The following DTD1 variants were observed in gnomAD, a reference collection of about 807,000 sequenced individuals.
DTD1 encodes D-aminoacyl-tRNA deacylase 1.
A neutral mutation model predicts 25.6 loss-of-function variants in DTD1; 13 were observed. The observed-to-expected ratio is 0.51, with a 90% confidence interval of 0.33 to 0.81. The LOEUF (loss-of-function observed/expected upper bound fraction) is 0.81, where lower values mean the gene tolerates loss of function less well. DTD1 is among the 30% of genes least tolerant of loss of function. The probability of loss-of-function intolerance (pLI) is 0.02; values close to 1 mark genes in which losing one functional copy is unlikely to be tolerated. For synonymous variants in DTD1, 110 were observed against 103.6 expected, an observed-to-expected ratio of 1.06 and a Z score of -0.37; for missense variants, 193 against 266.4, an observed-to-expected ratio of 0.72 and a Z score of 1.92.
intron 4 of DTD1, among the ~76,000 whole-genome samples, chr20:18,682,321 C>T (rs971880195): frequency 6.6e-5 from 10 of 152,162 alleles, no homozygotes; most frequent in Non-Finnish European, 1.2e-4. Context: ...GAGATTTCTT[C>T]GCCCATTGTT....
intron 4 of DTD1, among the ~76,000 whole-genome samples, chr20:18,651,707 G>A (rs985189718): frequency 5.3e-5 from 8 of 152,186 alleles, no homozygotes; most frequent in South Asian, 2.1e-4. Context: ...AGTGGTCTGA[G>A]CATCAAGACT....
At chr20:18,685,424 T>C (rs2061012703) in intron 4 of DTD1, among the ~76,000 whole-genome samples, 2 of 152,200 alleles carry the variant, frequency 1.3e-5, no homozygotes, top group Non-Finnish European at 2.9e-5. Flanking sequence ...TGAGAGTGCT[T>C]TCTGCCTTGG....
intron 4 of DTD1, among the ~76,000 whole-genome samples, chr20:18,637,288 G>C (rs1444301244): frequency 6.6e-6 from 1 of 152,148 alleles, no homozygotes; most frequent in Non-Finnish European, 1.5e-5. Flanking sequence ...CCTTCCCCCT[G>C]CCACACAGGC....
chr20:18,612,397 A>G (rs556795142), intron 3 of DTD1, among the ~76,000 whole-genome samples: 2 of 152,104 alleles, frequency 1.3e-5, no homozygotes, highest in Non-Finnish European at 2.9e-5. Flanking sequence ...AGGGCTTGTT[A>G]TATTCCAGGC....
intron 3 of DTD1, among the ~76,000 whole-genome samples, chr20:18,599,392 C>G (rs1423806021): frequency 6.6e-6 from 1 of 152,048 alleles, no homozygotes; most frequent in South Asian, 2.1e-4. Flanking sequence ...CCAGGCTGGT[C>G]TCAAACTCCT....
chr20:18,688,061 G>A (rs1484547644), intron 4 of DTD1, among the ~76,000 whole-genome samples: 1 of 152,110 alleles, frequency 6.6e-6, no homozygotes, highest in Non-Finnish European at 1.5e-5. Context: ...AGAGTAAAAC[G>A]GAATATCTCT....
chr20:18,611,965 A>G (rs1349309597), intron 3 of DTD1, among the ~76,000 whole-genome samples: 2 of 149,728 alleles, frequency 1.3e-5, no homozygotes, highest in Non-Finnish European at 3.0e-5. Context: ...AGTGATTCTC[A>G]TGCCTCAGCC....
chr20:18,726,835 TG>T (rs2061224087), intron 4 of DTD1, among the ~76,000 whole-genome samples: 1 of 152,176 alleles, frequency 6.6e-6, no homozygotes, highest in South Asian at 2.1e-4. Flanking sequence ...ACCCAGGAGA[TG>T]GGGACACAGT....
intron 4 of DTD1, among the ~76,000 whole-genome samples, chr20:18,716,468 G>C (rs760346656): frequency 2.0e-5 from 3 of 152,182 alleles, no homozygotes; most frequent in African/African-American, 4.8e-5. Flanking sequence ...CGGGTCTCAC[G>C]GGAGGCCCAT....
intron 4 of DTD1, among the ~76,000 whole-genome samples, chr20:18,699,142 C>T (rs2061091797): frequency 6.6e-6 from 1 of 152,164 alleles, no homozygotes; most frequent in Non-Finnish European, 1.5e-5. Flanking sequence ...AGAGAGCCTG[C>T]CTTAGGGGCT....
intron 5 of DTD1, among the ~76,000 whole-genome samples, chr20:18,758,145 A>G (rs991453115): frequency 1.3e-5 from 2 of 151,810 alleles, no homozygotes; most frequent in African/African-American, 2.4e-5. Context: ...TATTGCATCT[A>G]TTTGATTCTT....
intron 4 of DTD1, among the ~76,000 whole-genome samples, chr20:18,721,072 T>C (rs2122492235): frequency 6.6e-6 from 1 of 152,320 alleles, no homozygotes; most frequent in East Asian, 1.9e-4. Flanking sequence ...CTATGCCTTT[T>C]ATTTCCTTTT....
chr20:18,596,419 A>G (rs2060611850), intron 3 of DTD1, among the ~76,000 whole-genome samples, 178 bp downstream of exon 3: 1 of 152,238 alleles, frequency 6.6e-6, no homozygotes, highest in South Asian at 2.1e-4. Context: ...ACATGTCCTC[A>G]GAATGCTTCT....
chr20:18,609,545 C>T (rs2060678361), intron 3 of DTD1, among the ~76,000 whole-genome samples: 1 of 151,904 alleles, frequency 6.6e-6, no homozygotes. Context: ...TACTTTCAAC[C>T]TTAATAAAAT....
chr20:18,593,397 A>G (rs995063671), intron 1 of DTD1, among the ~76,000 whole-genome samples: 3 of 152,148 alleles, frequency 2.0e-5, no homozygotes, highest in Non-Finnish European at 2.9e-5. Flanking sequence ...GGAGGAAAAC[A>G]CAGTTCTGTT....
rs1438397782 is a variant in DTD1, at chr20:18,688,802, G to A, written c.478-55298G>A. ...AATGTGGTGTTTAATTGGGTAACCC[G>A]TGTACCTGGGAGAAAATGCCCGCAG... On this transcript the variant is annotated intron_variant, in intron 4 of 5. Transcript: ENST00000377452. Among the ~76,000 whole-genome samples, 3 of 152,180 alleles carry A rather than the reference G, an allele frequency of 2.0e-5. No homozygotes were observed. The East Asian group carries it at 5.8e-4, about 29-fold the overall frequency.
At chr20:18,716,200 G>A (rs570508994) in intron 4 of DTD1, among the ~76,000 whole-genome samples, 4 of 152,274 alleles carry the variant, frequency 2.6e-5, no homozygotes, top group African/African-American at 7.2e-5. Flanking sequence ...CCAAATATTG[G>A]TTCAGGATCT....
intron 4 of DTD1, chr20:18,631,917 T>C: frequency 1.0e-6 from 1 of 983,176 alleles, no homozygotes; most frequent in Non-Finnish European, 1.2e-6. Flanking sequence ...TCTTCTTGTT[T>C]AGGTCAAAGG....
intron 4 of DTD1, among the ~76,000 whole-genome samples, chr20:18,660,377 G>A (rs927850850): frequency 3.9e-5 from 6 of 151,914 alleles, no homozygotes; most frequent in African/African-American, 1.5e-4. Flanking sequence ...ACACAAGTAC[G>A]CTTGGCAAAT....
Sources: gnomAD v4.1 joint callset for allele counts (sites outside exome capture counted in the v4.1 genomes callset) on GRCh38, gnomAD v4.1.1 for gene constraint, MANE v1.5 for transcripts, NCBI Gene and HGNC (gene_info 2026-07-23, HGNC 2026-07-21) for gene names.